The following DIS3L2 variants were observed in gnomAD, a reference collection of about 807,000 sequenced individuals.
DIS3L2 encodes the protein DIS3-like exonuclease 2.
DIS3L2 carries 34 observed loss-of-function variants against 97.5 expected under a neutral mutation model. The observed-to-expected ratio is 0.35, with a 90% CI of 0.27 to 0.46. DIS3L2 has a LOEUF of 0.46. Ranked by LOEUF, DIS3L2 falls within the 20% of genes least tolerant of loss-of-function variation. The pLI is 1.00. For synonymous variants in DIS3L2, 435 were observed against 445.2 expected (o/e 0.98, Z 0.29); for missense variants, 1,038 against 1,146.0 (o/e 0.91, Z 1.36).
chr2:232,263,801 T>G (rs964398067), intron 13 of DIS3L2, among the ~76,000 whole-genome samples: 1 of 152,194 alleles, frequency 6.6e-6, no homozygotes, highest in Admixed American at 6.5e-5. Flanking sequence ...AAACCTGTTC[T>G]TTAATGGAGG....
At chr2:232,277,349 G>A (rs937156824) in intron 13 of DIS3L2, among the ~76,000 whole-genome samples, 1 of 152,126 alleles carries the variant, frequency 6.6e-6, no homozygotes, top group African/African-American at 2.4e-5. Context: ...CGCTAACGTT[G>A]GTGCAGCTGG....
chr2:232,173,619 A>G (rs1691057090), intron 9 of DIS3L2, among the ~76,000 whole-genome samples: 1 of 152,220 alleles, frequency 6.6e-6, no homozygotes, highest in South Asian at 2.1e-4. Flanking sequence ...GGTGTGAGGT[A>G]TGGGTCAAAC....
chr2:232,176,912 G>A (rs867394569), intron 9 of DIS3L2, among the ~76,000 whole-genome samples: 7 of 147,038 alleles, frequency 4.8e-5, no homozygotes, highest in South Asian at 2.2e-4. Flanking sequence ...CCACTAACTC[G>A]TCATCTAGCA....
intron 17 of DIS3L2, 129 bp downstream of exon 17, chr2:232,334,116 T>G (rs1695860287): frequency 1.4e-6 from 2 of 1,409,372 alleles, no homozygotes; most frequent in African/African-American, 1.4e-5. Flanking sequence ...GCGACCCAAG[T>G]GCAGGGGAGC....
At chr2:232,066,839 T>G (rs1553604533) in intron 5 of DIS3L2, among the ~76,000 whole-genome samples, 1 of 152,060 alleles carries the variant, frequency 6.6e-6, no homozygotes, top group Non-Finnish European at 1.5e-5. Context: ...ATTTTTCTGT[T>G]TCTTCTTGTA....
chr2:232,325,951 C>G lies in DIS3L2; in HGVS notation c.1740-3862C>G, dbSNP rs1471736872. ...GCAGCCCCAGTGCCCACTCTGCGCC[C>G]TTCGGGGCTCCCGTGGCCCAGAGTG... is the stretch of plus-strand genomic sequence containing the variant. On this transcript the variant is annotated intron_variant, in intron 14 of 20. Coordinates refer to ENST00000325385, the MANE Select transcript of DIS3L2 (RefSeq NM_152383.5). The surrounding 1 kb of genome is among the most constrained non-coding windows in gnomAD (Gnocchi z 4.6). 2.0e-5 allele frequency among the ~76,000 whole-genome samples: 3 copies of G among 152,220 alleles called. No individual in the cohort carries two copies. Among genetic ancestry groups the G allele is most frequent in the Admixed American group, 6.5e-5 (1 of 15,288 alleles).
At chr2:232,087,350 T>C (rs1696691298) in intron 5 of DIS3L2, 137 bp from the exon 6 acceptor site, 1 of 650,808 alleles carries the variant, frequency 1.5e-6, no homozygotes, top group Non-Finnish European at 2.6e-6. Context: ...AAAATAAAGA[T>C]CCTTTTTTGA....
In DIS3L2 at chr2:232,010,519, C is replaced by T. The variant is rs113163022; in HGVS notation, c.-93-4316C>T. ...CTCATTGAGATTTATTTTAATTTTG[C>T]CCTCTTTTTTTTTCTTAATCAATAG... On this transcript the variant is annotated intron_variant, in intron 1 of 20. Coordinates refer to ENST00000325385, the MANE Select transcript of DIS3L2 (RefSeq NM_152383.5). Among the ~76,000 whole-genome samples, 17 of 151,676 alleles carry T rather than the reference C, an allele frequency of 1.1e-4. 2 individuals carry two copies. Among genetic ancestry groups the T allele is most frequent in the African/African-American group, 4.1e-4 (17 of 41,316 alleles).
rs1440200451 is a variant in DIS3L2, at chr2:232,331,308, A to G, written c.2010+532A>G. Among the ~76,000 whole-genome samples, 3 of 152,206 alleles carry G rather than the reference A, an allele frequency of 2.0e-5. No individual in the cohort carries two copies. The East Asian group carries it at 5.8e-4, about 29-fold the overall frequency. The stretch of plus-strand genomic sequence containing the variant: ...GCCCCAGGCTGAGCTTCCCCCATGC[A>G]GGGCCCGAGCATCCTGGGACCAGGA... On this transcript the variant is annotated intron_variant, in intron 16 of 20. Coordinates refer to ENST00000325385, the MANE Select transcript of DIS3L2 (RefSeq NM_152383.5).
intron 1 of DIS3L2, among the ~76,000 whole-genome samples, chr2:231,981,528 T>A (rs1693254981): frequency 6.8e-6 from 1 of 147,794 alleles, no homozygotes; most frequent in African/African-American, 2.5e-5. Flanking sequence ...TCCAGCTTAG[T>A]GTTGAGTTGT....
intron 1 of DIS3L2, among the ~76,000 whole-genome samples, chr2:231,971,433 C>G (rs1174158824): frequency 2.0e-5 from 3 of 151,874 alleles, no homozygotes; most frequent in African/African-American, 7.3e-5. Flanking sequence ...TGTGTGCCAC[C>G]ACGCCCAGCT....
intron 16 of DIS3L2, among the ~76,000 whole-genome samples, chr2:232,332,289 A>T (rs1695761580): frequency 1.3e-5 from 2 of 151,896 alleles, no homozygotes; most frequent in African/African-American, 4.8e-5. Context: ...CCCAGGGCCC[A>T]GCAGGGGCTG....
chr2:232,050,964 A>G (rs1039505279), intron 5 of DIS3L2, among the ~76,000 whole-genome samples: 18 of 152,232 alleles, frequency 1.2e-4, no homozygotes, highest in African/African-American at 4.1e-4. Context: ...TGACATTTCA[A>G]TTGCAGTTGG....
chr2:232,218,287 CA>C (rs1692400634), intron 10 of DIS3L2, among the ~76,000 whole-genome samples: 1 of 152,218 alleles, frequency 6.6e-6, no homozygotes, highest in Non-Finnish European at 1.5e-5. Flanking sequence ...ATGTGCACAT[CA>C]CAGATAGTAT....
chr2:232,115,304 TA>T (rs1055875084), intron 6 of DIS3L2, among the ~76,000 whole-genome samples: 9 of 149,716 alleles, frequency 6.0e-5, no homozygotes, highest in East Asian at 3.9e-4. Context: ...AAGATTTTTT[TA>T]AAAAAAAAAG....
At chr2:232,328,048 A>G (rs1339958148) in intron 14 of DIS3L2, among the ~76,000 whole-genome samples, 2 of 152,176 alleles carry the variant, frequency 1.3e-5, no homozygotes, top group African/African-American at 4.8e-5. Flanking sequence ...AAGGGCTTGA[A>G]CACAGGGTTT....
intron 17 of DIS3L2, 32 bp from the exon 18 acceptor site, chr2:232,334,329 CCCCAGGCT>C (rs1325103281): frequency 8.7e-6 from 14 of 1,605,728 alleles, no homozygotes; most frequent in Admixed American, 1.7e-5. Context: ...CTTCCCAGCC[CCCCAGGCT>C]CCCACTCTCA....
At chr2:232,048,371 T>C (rs1207716151) in intron 5 of DIS3L2, among the ~76,000 whole-genome samples, 3 of 152,148 alleles carry the variant, frequency 2.0e-5, no homozygotes, top group African/African-American at 7.2e-5. Context: ...CCCTTTGCTG[T>C]GTTATTTTAT....
chr2:232,155,431 A>G (rs77078426), intron 8 of DIS3L2, among the ~76,000 whole-genome samples: 4,869 of 152,176 alleles, frequency 0.032, 84 homozygotes, highest in Middle Eastern at 0.044. Context: ...ATCACTTTGC[A>G]GTTTTTCAGA....
Sources: allele counts gnomAD v4.1 joint callset (sites outside exome capture counted in the v4.1 genomes callset), GRCh38; gene constraint gnomAD v4.1.1; non-coding constraint Gnocchi (gnomAD v3.1); transcripts MANE v1.5; gene names NCBI Gene and HGNC (gene_info 2026-07-23, HGNC 2026-07-21).